Variants in CHP1 observed in about 807,000 individuals in gnomAD.
CHP1 encodes the protein calcineurin B homologous protein 1.
CHP1 carries 11 observed loss-of-function variants against 27.4 expected under a neutral mutation model. The ratio of observed to expected loss-of-function variants is 0.40; its 90% CI spans 0.25 to 0.67. The LOEUF (loss-of-function observed/expected upper bound fraction) is 0.67. Among genes scored for constraint, CHP1 ranks in the 30% least tolerant of loss-of-function variants. The pLI, the probability that CHP1 is intolerant of heterozygous loss-of-function variation, is 0.38. For synonymous variants in CHP1, 89 were observed against 87.4 expected, an observed-to-expected ratio of 1.02 and a Z score of -0.10; for missense variants, 169 against 251.3, an observed-to-expected ratio of 0.67 and a Z score of 2.22.
chr15:41,242,194 C>T (rs1050591076), intron 1 of CHP1, among the ~76,000 whole-genome samples: 7 of 152,148 alleles, frequency 4.6e-5, no homozygotes, highest in African/African-American at 1.7e-4. Context: ...TTCCTTGGAG[C>T]CAGTTCCCTT....
chr15:41,275,328 T>C (rs2047514297), intron 5 of CHP1, among the ~76,000 whole-genome samples: 1 of 151,782 alleles, frequency 6.6e-6, no homozygotes, highest in Non-Finnish European at 1.5e-5. Context: ...CTAATTTTTG[T>C]ATTTGTAGTA....
chr15:41,269,843 C>T (rs1387961002), intron 4 of CHP1, among the ~76,000 whole-genome samples: 3 of 152,072 alleles, frequency 2.0e-5, no homozygotes, highest in African/African-American at 4.8e-5. Context: ...CTCAGGCTGG[C>T]GATTTGTCAC....
At position 41,259,729 on chromosome 15, in the gene CHP1, A is replaced by G. The variant is rs149044063; in HGVS notation, c.221+2739A>G. Among the ~76,000 whole-genome samples the G allele has an allele frequency of 6.9e-3, 1,050 of 152,270 alleles. 11 individuals are homozygous for G. Among genetic ancestry groups the G allele is most frequent in the African/African-American group, 0.024 (1,012 of 41,552 alleles). ...TCCATTAGCAGTATAGATACATCGAAGAACTAAAAGGTCATTCTTTTGTTT... is the reference window on the plus strand; with the variant it reads ...TCCATTAGCAGTATAGATACATCGAGGAACTAAAAGGTCATTCTTTTGTTT... On this transcript the variant is annotated intron_variant, in intron 3 of 6. Coordinates refer to ENST00000334660, the MANE Select transcript of CHP1 (RefSeq NM_007236.5).
intron 3 of CHP1, among the ~76,000 whole-genome samples, chr15:41,257,785 C>T (rs2047408110): frequency 6.6e-6 from 1 of 152,274 alleles, no homozygotes; most frequent in Non-Finnish European, 1.5e-5. Flanking sequence ...GTCTTGAGCT[C>T]CTGACCTCAG....
intron 2 of CHP1, among the ~76,000 whole-genome samples, chr15:41,248,512 C>T (rs942064208): frequency 2.5e-4 from 38 of 152,264 alleles, no homozygotes; most frequent in African/African-American, 8.9e-4. Context: ...TCAGTCCTCC[C>T]GCCATGGCCT....
At chr15:41,254,441 T>C (rs2047387684) in intron 2 of CHP1, among the ~76,000 whole-genome samples, 1 of 152,248 alleles carries the variant, frequency 6.6e-6, no homozygotes, top group Non-Finnish European at 1.5e-5. Context: ...CAGGAGGAGC[T>C]ACATTTTGAT....
chr15:41,247,002 G>A lies in CHP1; in HGVS notation c.140+3263G>A, dbSNP rs185788353. ...AGGTCGAGACCATGGGCTACAGAGC[G>A]AGACTCTGTCTCAAAAAAAAAAAAA... On this transcript the variant is annotated intron_variant, in intron 2 of 6. Transcript: ENST00000334660. 4.5e-3 allele frequency among the ~76,000 whole-genome samples: 642 copies of A among 141,616 alleles called. 3 individuals carry two copies. Among genetic ancestry groups the A allele is most frequent in the Non-Finnish European group, 8.0e-3 (524 of 65,434 alleles). The allele number at this position is 141,616 out of a possible 152,430, so 92.9% of individuals were successfully genotyped here.
In CHP1 at chr15:41,239,139, G is replaced by A. The variant is rs572574893; in HGVS notation, c.68-4528G>A. ...CAGTGAATTTAGTACCTAAATTAAA[G>A]CCTTCTCTCCTTCTTTTTGTTAACA... On this transcript the variant is annotated intron_variant, in intron 1 of 6. Transcript: ENST00000334660. Among the ~76,000 whole-genome samples, 50 of 152,178 alleles carry A rather than the reference G, an allele frequency of 3.3e-4. 1 individual carries two copies. Among genetic ancestry groups the A allele is most frequent in the East Asian group, 2.9e-3 (15 of 5,174 alleles).
At chr15:41,254,773 A>G (rs1376627438) in intron 2 of CHP1, among the ~76,000 whole-genome samples, 4 of 152,206 alleles carry the variant, frequency 2.6e-5, no homozygotes, top group Non-Finnish European at 5.9e-5. Flanking sequence ...CACAAGAGGA[A>G]AAGAGCGTGA....
At chr15:41,253,145 G>C (rs1468865875) in intron 2 of CHP1, among the ~76,000 whole-genome samples, 1 of 151,608 alleles carries the variant, frequency 6.6e-6, no homozygotes, top group African/African-American at 2.4e-5. Flanking sequence ...CACCATGTTG[G>C]CCAGGATGGT....
intron 2 of CHP1, 32 bp from the exon 3 acceptor site, chr15:41,256,878 C>G (rs1196308287): frequency 6.3e-7 from 1 of 1,590,502 alleles, no homozygotes; most frequent in Non-Finnish European, 8.6e-7. Flanking sequence ...GGGCAATGAT[C>G]TCTATCTAAC....
chr15:41,269,607 C>CT (rs746076335), intron 4 of CHP1, among the ~76,000 whole-genome samples: 2 of 152,130 alleles, frequency 1.3e-5, no homozygotes, highest in Non-Finnish European at 2.9e-5. Flanking sequence ...TGTTGTAGTG[C>CT]TTAGGATGTA....
chr15:41,232,039 T>G (rs2047248828), intron 1 of CHP1, among the ~76,000 whole-genome samples: 1 of 151,998 alleles, frequency 6.6e-6, no homozygotes, highest in African/African-American at 2.4e-5. Flanking sequence ...TCTGAACTTC[T>G]AGAGAAAAAA....
intron 1 of CHP1, among the ~76,000 whole-genome samples, chr15:41,237,710 G>T (rs774031154): frequency 6.6e-6 from 1 of 152,012 alleles, no homozygotes; most frequent in Non-Finnish European, 1.5e-5. Flanking sequence ...TGGAATAAAG[G>T]CAAGGACAAA....
chr15:41,233,774 G>A (rs1216826911), intron 1 of CHP1, among the ~76,000 whole-genome samples: 5 of 152,100 alleles, frequency 3.3e-5, no homozygotes, highest in Non-Finnish European at 7.4e-5. Context: ...CCTCATGGAG[G>A]ACAGGAATTG....
At position 41,243,680 on chromosome 15, in the gene CHP1, A is replaced by G. The variant is rs538412574; in HGVS notation, c.81A>G (p.Gln27=). ...TGTGCTCTTTAGTTTCCCACAGTCA[A>G]ATCACTCGCCTCTACAGCCGGTTCA... ...IKKETGFSHS[Q]ITRLYSRFTS... is the part of the protein sequence containing the mutation. Residue 27 remains glutamine (Q), a synonymous_variant, in exon 2 of 7, where the codon CAA becomes CAG. Coordinates refer to ENST00000334660, the MANE Select transcript of CHP1 (RefSeq NM_007236.5). 4.2e-5 allele frequency: 67 copies of G among 1,614,070 alleles called. No individual in the cohort carries two copies. The South Asian group carries it at 6.6e-4, about 16-fold the overall frequency.
At chr15:41,263,001 ACT>A in intron 4 of CHP1, 118 bp downstream of exon 4, 1 of 1,311,352 alleles carries the variant, frequency 7.6e-7, no homozygotes, top group Non-Finnish European at 1.0e-6. Flanking sequence ...AAGACCTCAG[ACT>A]CTGGAGCTAA....
At chr15:41,254,536 T>C (rs530068633) in intron 2 of CHP1, among the ~76,000 whole-genome samples, 1 of 152,366 alleles carries the variant, frequency 6.6e-6, no homozygotes, top group African/African-American at 2.4e-5. Context: ...AGGACCTCGG[T>C]AATTTTCTCT....
chr15:41,231,724 C>G (rs2047244578), intron 1 of CHP1, among the ~76,000 whole-genome samples: 1 of 152,048 alleles, frequency 6.6e-6, no homozygotes, highest in Admixed American at 6.6e-5. Context: ...CCCTGCCCAT[C>G]AAAGTCCCCG....
Sources: gnomAD v4.1 joint callset for allele counts (sites outside exome capture counted in the v4.1 genomes callset) on GRCh38, gnomAD v4.1.1 for gene constraint, MANE v1.5 for transcripts, NCBI Gene and HGNC (gene_info 2026-07-23, HGNC 2026-07-21) for gene names.